Variants in TKTL1 observed in about 807,000 individuals in gnomAD.
TKTL1 encodes transketolase like 1, also known as transketolase-like protein 1.
TKTL1 carries 1 observed loss-of-function variant against 39.3 expected under a neutral mutation model. That is an observed-to-expected ratio of 0.03 (90% confidence interval 0.01 to 0.12). The LOEUF is 0.12. Ranked by LOEUF, TKTL1 falls within the 10% of genes least tolerant of loss-of-function variation. The pLI is 1.00. For missense variants in TKTL1, 575 were observed against 509.6 expected (o/e 1.13, Z -1.24); for synonymous variants, 262 against 193.8 (o/e 1.35, Z -2.92).
chrX:154,301,371 G>T (rs1205816183), intron 1 of TKTL1, among the ~76,000 whole-genome samples: 1 of 110,155 alleles, frequency 9.1e-6, no homozygotes. Flanking sequence ...GCAAAAATTA[G>T]CCGGGCGTGG....
intron 1 of TKTL1, among the ~76,000 whole-genome samples, chrX:154,302,064 G>A (rs782305678): frequency 2.7e-5 from 3 of 110,829 alleles, no homozygotes; most frequent in Non-Finnish European, 3.8e-5. Flanking sequence ...CACACAGTCC[G>A]ATGAGGTGAC....
intron 6 of TKTL1, among the ~76,000 whole-genome samples, chrX:154,314,949 A>AT (rs1403470434): frequency 2.7e-5 from 3 of 111,428 alleles, no homozygotes; most frequent in African/African-American, 9.8e-5. Context: ...AAAGAGCACA[A>AT]TTTGAGAAAA....
intron 7 of TKTL1, among the ~76,000 whole-genome samples, chrX:154,317,060 G>A (rs1469719419): frequency 6.3e-5 from 7 of 111,183 alleles, no homozygotes; most frequent in African/African-American, 9.8e-5. Context: ...GTGAGCCCCC[G>A]AGCCTGGCTC....
chrX:154,311,142 G>T lies in TKTL1; in HGVS notation c.574G>T (p.Val192Leu). 2 of 1,212,107 alleles carry T rather than the reference G, an allele frequency of 1.7e-6. No homozygotes were observed. The highest frequency in any genetic ancestry group is 2.2e-6 in the Non-Finnish European group (2 of 895,589). The change falls in exon 5 of 13, where the codon GTG (valine) becomes TTG (leucine). Residue 192 changes from valine (V) to leucine (L), a missense_variant. Physicochemically the swap from Val to Leu is conservative, Grantham distance 32. Coordinates refer to ENST00000369915, the MANE Select transcript of TKTL1 (RefSeq NM_012253.4). ...CACTTATGTGGTGGACGGCCGGGAC[G>T]TGGAGGCACTGTGCCAGGTATTCTG... ...WNTYVVDGRD[V>L]EALCQVFWQA...
intron 3 of TKTL1, among the ~76,000 whole-genome samples, 184 bp downstream of exon 3, chrX:154,309,626 C>T (rs1238209770): frequency 9.0e-6 from 1 of 111,221 alleles, no homozygotes; most frequent in Non-Finnish European, 1.9e-5. Context: ...GCGGCTGCCC[C>T]ACTTTCTCTC....
intron 8 of TKTL1, among the ~76,000 whole-genome samples, chrX:154,321,670 A>T (rs1383310414): frequency 1.9e-5 from 2 of 107,865 alleles, no homozygotes; most frequent in African/African-American, 6.8e-5. Flanking sequence ...GACATGGGAA[A>T]GATGAGCCAG....
Position 154,320,875 on chromosome X carries a change from A to G in TKTL1, c.1148A>G (p.Asn383Ser), listed in dbSNP as rs782747694. 68 of 1,209,893 alleles carry G rather than the reference A, an allele frequency of 5.6e-5. No individual in the cohort carries two copies. Among genetic ancestry groups the G allele is most frequent in the Non-Finnish European group, 6.8e-5 (61 of 895,093 alleles). The change falls in exon 8 of 13, where the codon AAC becomes AGC. Residue 383 changes from asparagine to serine, a missense_variant. By Grantham distance (46) the Asn-to-Ser change is conservative. Transcript: ENST00000369915. ...CGGATAGGAGGCCTCGCTGAGAGCA[A>G]CATCAACATTATTGGTTCCCACTGT... ...HIRIGGLAES[N>S]INIIGSHCGV...
intron 5 of TKTL1, 114 bp downstream of exon 5, chrX:154,311,352 G>A: frequency 9.8e-7 from 1 of 1,016,230 alleles, no homozygotes; most frequent in South Asian, 2.2e-5. Context: ...GTGAATAGCA[G>A]TTCTGCCTGG....
intron 1 of TKTL1, among the ~76,000 whole-genome samples, chrX:154,299,858 T>C (rs1186865986): frequency 8.9e-6 from 1 of 111,931 alleles, no homozygotes; most frequent in Non-Finnish European, 1.9e-5. Context: ...CTTAGGTTGG[T>C]TCCTTATCTT....
At chrX:154,320,417 G>A (rs782745814) in intron 7 of TKTL1, 176 of 262,014 alleles carry the variant, frequency 6.7e-4, no homozygotes, top group Non-Finnish European at 1.1e-3. Flanking sequence ...AAGAGGGGAG[G>A]AGGAGCTGCA....
At chrX:154,327,528 C>G in intron 10 of TKTL1, 63 bp from the exon 11 acceptor site, 1 of 1,004,514 alleles carries the variant, frequency 1.0e-6, no homozygotes, top group Non-Finnish European at 1.4e-6. Context: ...AAAGTGCCTT[C>G]CACTTTGACA....
At chrX:154,306,711 A>C (rs1214891789) in intron 2 of TKTL1, among the ~76,000 whole-genome samples, 3 of 109,867 alleles carry the variant, frequency 2.7e-5, no homozygotes, top group Non-Finnish European at 5.7e-5. Flanking sequence ...GTCTCAGCTC[A>C]ATGCACCCCT....
chrX:154,303,770 A>G (rs1182022139), intron 1 of TKTL1, among the ~76,000 whole-genome samples: 5 of 108,658 alleles, frequency 4.6e-5, no homozygotes, highest in Non-Finnish European at 9.6e-5. Flanking sequence ...AGCAAAAGGC[A>G]CTGAAAATAA....
rs782390886 is a variant in TKTL1, at chrX:154,323,912, G to A, written c.1317+575G>A. On this transcript the variant is annotated intron_variant, in intron 9 of 12. Coordinates refer to ENST00000369915, the MANE Select transcript of TKTL1 (RefSeq NM_012253.4). ...TTCAGAACCTAGCTGCACGGGAGAC[G>A]AGGCAGTGTGGTCTTGATCTTTCCA... 4.4e-5 allele frequency among the ~76,000 whole-genome samples: 5 copies of A among 112,679 alleles called. No homozygotes were observed. The South Asian group carries it at 1.1e-3, about 25-fold the overall frequency.
intron 1 of TKTL1, among the ~76,000 whole-genome samples, chrX:154,302,168 C>T (rs1457553050): frequency 5.0e-4 from 55 of 111,037 alleles, no homozygotes; most frequent in African/African-American, 1.7e-3. Flanking sequence ...CCAGACTTTC[C>T]AGATGTTCTG....
rs1557167815 is a variant in TKTL1, at chrX:154,309,352, C to T, written c.260C>T (p.Ser87Leu). The change falls in exon 3 of 13, where the codon TCG becomes TTG. Residue 87 changes from serine to leucine, a missense_variant. Physicochemically the swap from Ser to Leu is moderately radical, Grantham distance 145 (BLOSUM62 -2). Coordinates refer to ENST00000369915, the MANE Select transcript of TKTL1 (RefSeq NM_012253.4). ...NDRFVLAKRLSFVDVATGWLG... is the reference protein window; with the variant it reads ...NDRFVLAKRLLFVDVATGWLG... Reference sequence around the variant, plus strand: ...GGGTCCCTTCTCTTACAGAGACTGTCGTTTGTGGATGTGGCAACAGGATGG... The same window carrying T: ...GGGTCCCTTCTCTTACAGAGACTGTTGTTTGTGGATGTGGCAACAGGATGG... 2.5e-6 allele frequency: 3 copies of T among 1,208,781 alleles called. No individual in the cohort carries two copies. The South Asian group carries it at 5.3e-5, about 21-fold the overall frequency.
At chrX:154,309,768 C>G (rs1343615223) in intron 3 of TKTL1, among the ~76,000 whole-genome samples, 1 of 111,598 alleles carries the variant, frequency 9.0e-6, no homozygotes, top group Non-Finnish European at 1.9e-5. Flanking sequence ...CTGAGTCTCA[C>G]TCTGTGGCCA....
rs782526196 is a variant in TKTL1, at chrX:154,317,900, G to A, written c.1029+2563G>A. 2.7e-5 allele frequency among the ~76,000 whole-genome samples: 3 copies of A among 110,780 alleles called. No homozygotes were observed. The South Asian group carries it at 1.2e-3, about 43-fold the overall frequency. On this transcript the variant is annotated intron_variant, in intron 7 of 12. Coordinates refer to ENST00000369915, the MANE Select transcript of TKTL1 (RefSeq NM_012253.4). ...GAGGGCACCATCAGGAGCTCTGTGTGGGCCTGGGGGGTTGGGGCACCTGTT... is the reference window on the plus strand; with the variant it reads ...GAGGGCACCATCAGGAGCTCTGTGTAGGCCTGGGGGGTTGGGGCACCTGTT...
chrX:154,303,792 T>C (rs1197848565), intron 1 of TKTL1, among the ~76,000 whole-genome samples: 4 of 109,246 alleles, frequency 3.7e-5, no homozygotes, highest in Non-Finnish European at 7.6e-5. Context: ...CAAATAGTTA[T>C]GCATTTGTCA....
Sources: allele counts gnomAD v4.1 joint callset (sites outside exome capture counted in the v4.1 genomes callset), GRCh38; gene constraint gnomAD v4.1.1; transcripts MANE v1.5; gene names NCBI Gene and HGNC (gene_info 2026-07-23, HGNC 2026-07-21).